Variants in PHF24 observed in about 807,000 individuals in gnomAD.
PHF24 encodes Galpha inhibitory interacting protein.
Under a neutral mutation model 42.6 loss-of-function variants are expected in PHF24, and 25 were observed. The ratio of observed to expected loss-of-function variants is 0.59; its 90% CI spans 0.43 to 0.82. The LOEUF (loss-of-function observed/expected upper bound fraction) is 0.82, where lower values mean the gene tolerates loss of function less well. Among genes scored for constraint, PHF24 ranks in the 40% least tolerant of loss-of-function variants. PHF24 has a pLI of 0.00. For synonymous variants in PHF24, 185 were observed against 204.8 expected, an observed-to-expected ratio of 0.90 and a Z score of 0.83; for missense variants, 470 against 538.1, an observed-to-expected ratio of 0.87 and a Z score of 1.25.
the PHF24 span, among the ~76,000 whole-genome samples, chr9:34,808,373 G>C: frequency 6.6e-6 from 1 of 152,094 alleles, no homozygotes; most frequent in African/African-American, 2.4e-5. Context: ...GAGGGAGGAG[G>C]ATTGCTTGAG....
At chr9:34,852,953 T>C in the PHF24 span, among the ~76,000 whole-genome samples, 1 of 152,078 alleles carries the variant, frequency 6.6e-6, no homozygotes, top group African/African-American at 2.4e-5. Flanking sequence ...GCTTGGAAAG[T>C]TTTCTCCTAT....
chr9:34,873,737 T>C, the PHF24 span, among the ~76,000 whole-genome samples: 1 of 150,192 alleles, frequency 6.7e-6, no homozygotes, highest in East Asian at 1.9e-4. Context: ...TCCAATTCTG[T>C]GAAGAAAGTC....
At chr9:34,832,315 G>T in the PHF24 span, 3 of 626,080 alleles carry the variant, frequency 4.8e-6, no homozygotes, top group Admixed American at 2.7e-5. Flanking sequence ...TGCCCTGGTT[G>T]GGGGGCACAA....
the PHF24 span, among the ~76,000 whole-genome samples, chr9:34,867,237 C>A: frequency 2.0e-5 from 3 of 152,210 alleles, no homozygotes; most frequent in African/African-American, 7.2e-5. Flanking sequence ...TGGAGAGGCA[C>A]TCCCTGTTCT....
chr9:34,745,131 T>C, the PHF24 span, among the ~76,000 whole-genome samples: 36 of 152,316 alleles, frequency 2.4e-4, no homozygotes, highest in Non-Finnish European at 4.6e-4. Context: ...AGCAGCCAGC[T>C]GGCAGACTAT....
At chr9:34,963,755 G>A (rs111505169) in intron 1 of PHF24, among the ~76,000 whole-genome samples, 40 of 152,206 alleles carry the variant, frequency 2.6e-4, no homozygotes, top group African/African-American at 7.5e-4. Flanking sequence ...AATCATCCTC[G>A]TGTTCTCATC....
chr9:34,727,053 C>A, the PHF24 span: 2 of 1,499,258 alleles, frequency 1.3e-6, no homozygotes, highest in Non-Finnish European at 1.8e-6. Flanking sequence ...AGAGTGTGGG[C>A]TGGAGTGGGC....
At chr9:34,721,630 C>T in the PHF24 span, among the ~76,000 whole-genome samples, 313 of 152,208 alleles carry the variant, frequency 2.1e-3, 1 homozygote, top group Middle Eastern at 3.4e-3. Flanking sequence ...AGGCTGGTCT[C>T]GAACTCTTGA....
the PHF24 span, among the ~76,000 whole-genome samples, chr9:34,683,767 A>G: frequency 3.3e-5 from 5 of 152,354 alleles, no homozygotes; most frequent in South Asian, 1.0e-3. Context: ...AGAAGAAAAG[A>G]ATGAGTTCTG....
At chr9:34,927,952 G>T in the PHF24 span, among the ~76,000 whole-genome samples, 1 of 152,106 alleles carries the variant, frequency 6.6e-6, no homozygotes, top group African/African-American at 2.4e-5. Flanking sequence ...GTTGGGAGCT[G>T]GGGGGAGGTG....
chr9:34,689,718 G>A, the PHF24 span: 1 of 1,403,274 alleles, frequency 7.1e-7, no homozygotes, highest in Non-Finnish European at 1.0e-6. This position sits in a 1 kb window ranked among gnomAD's most constrained non-coding sequence, Gnocchi z 4.1. Context: ...GTGCAGAGGA[G>A]CTGGAAGCCT....
the PHF24 span, among the ~76,000 whole-genome samples, chr9:34,702,050 G>GGAAATA: frequency 1.6e-4 from 24 of 152,108 alleles, no homozygotes; most frequent in East Asian, 1.9e-4. Flanking sequence ...CTTATTCCAA[G>GGAAATA]GAAATATATT....
chr9:34,741,574 C>T, the PHF24 span, among the ~76,000 whole-genome samples: 1 of 152,034 alleles, frequency 6.6e-6, no homozygotes, highest in Non-Finnish European at 1.5e-5. Flanking sequence ...GTTGGTCAGG[C>T]TGGCCTCGAA....
the PHF24 span, among the ~76,000 whole-genome samples, chr9:34,703,052 G>A: frequency 6.6e-6 from 1 of 152,310 alleles, no homozygotes; most frequent in South Asian, 2.1e-4. Context: ...AGCGATTATA[G>A]CTGGGAAACA....
At chr9:34,724,739 T>C in the PHF24 span, 1 of 1,551,720 alleles carries the variant, frequency 6.4e-7, no homozygotes, top group East Asian at 2.4e-5. Flanking sequence ...ACTTATACAC[T>C]GTTCTTCAAA....
At chr9:34,980,506 C>T (rs1827351824) in exon 8 of PHF24, 1 of 152,288 alleles carries the variant, frequency 6.6e-6, no homozygotes, top group African/African-American at 2.4e-5. Flanking sequence ...AGCCTCTTCT[C>T]CACAGGCAGT....
At chr9:34,960,379 G>C (rs1430509050) in intron 1 of PHF24, among the ~76,000 whole-genome samples, 1 of 152,196 alleles carries the variant, frequency 6.6e-6, no homozygotes, top group African/African-American at 2.4e-5. Context: ...CCAGTTGTTA[G>C]ATTTTTTTTC....
chr9:34,747,360 G>C, the PHF24 span, among the ~76,000 whole-genome samples: 2 of 152,082 alleles, frequency 1.3e-5, no homozygotes, highest in African/African-American at 4.8e-5. Flanking sequence ...AGGCTGCATT[G>C]AACTATGATT....
the PHF24 span, among the ~76,000 whole-genome samples, chr9:34,873,762 G>A: frequency 7.4e-4 from 111 of 150,136 alleles, no homozygotes; most frequent in African/African-American, 2.6e-3. Flanking sequence ...GTAGCTTGAT[G>A]GGGATGGCAT....
Sources: gnomAD v4.1 joint callset for allele counts (sites outside exome capture counted in the v4.1 genomes callset) on GRCh38, gnomAD v4.1.1 for gene constraint, Gnocchi (gnomAD v3.1) non-coding constraint, MANE v1.5 for transcripts, NCBI Gene and HGNC (gene_info 2026-07-23, HGNC 2026-07-21) for gene names.